GMDS: variants seen among roughly 807,000 people sequenced by gnomAD.
GMDS encodes the protein GDP-mannose 4,6-dehydratase.
A neutral mutation model predicts 49.9 loss-of-function variants in GMDS; 20 were observed. That is an observed-to-expected ratio of 0.40 (90% CI 0.28 to 0.58). The LOEUF is 0.58. Among genes scored for constraint, GMDS ranks in the 20% least tolerant of loss-of-function variants. GMDS has a pLI of 0.42. For missense variants in GMDS, 362 were observed against 481.4 expected (o/e 0.75, Z 2.32); for synonymous variants, 177 against 178.6 (o/e 0.99, Z 0.07).
At chr6:1,974,703 T>C (rs1254228900) in intron 4 of GMDS, among the ~76,000 whole-genome samples, 1 of 151,866 alleles carries the variant, frequency 6.6e-6, no homozygotes, top group East Asian at 1.9e-4. Context: ...TGCACTATGA[T>C]GAAAATGCCA....
rs1397226651 is a variant in GMDS at position 1,743,522 on chromosome 6, G to A, written c.772-936C>T. ...CGCGCCACTGCACTCCAGCCTGGAC[G>A]ACAGAACCAGACTCCATCTCAAAAA... On this transcript the variant is annotated intron_variant, in intron 7 of 10. Transcript: ENST00000380815. 3.5e-4 allele frequency among the ~76,000 whole-genome samples: 44 copies of A among 125,346 alleles called. No individual in the cohort carries two copies. In the East Asian group the frequency reaches 9.6e-3, roughly 27 times the overall value. The allele number at this position is 125,346 out of a possible 152,430, so 82.2% of individuals were successfully genotyped here.
intron 4 of GMDS, among the ~76,000 whole-genome samples, chr6:2,075,505 A>G (rs1056182692): frequency 5.9e-5 from 9 of 152,004 alleles, no homozygotes; most frequent in Non-Finnish European, 8.8e-5. Context: ...AGAACACGCG[A>G]TGTTTGGTTT....
chr6:1,889,903 A>T (rs1462923561), intron 7 of GMDS, among the ~76,000 whole-genome samples: 2 of 152,112 alleles, frequency 1.3e-5, no homozygotes, highest in Non-Finnish European at 2.9e-5. Context: ...TACTTAGCAT[A>T]ATGTTTTCCA....
chr6:2,243,555 C>G (rs1781713958), intron 1 of GMDS, among the ~76,000 whole-genome samples: 1 of 152,134 alleles, frequency 6.6e-6, no homozygotes, highest in Non-Finnish European at 1.5e-5. Context: ...GAATCATCTG[C>G]AGAAAGGTCC....
Position 1,768,206 on chromosome 6 carries a change from CAG to C in GMDS, c.772-25622_772-25621del, listed in dbSNP as rs1554117266. 7.9e-5 allele frequency among the ~76,000 whole-genome samples: 12 copies of C among 152,228 alleles called. 1 individual carries two copies. Among genetic ancestry groups the C allele is most frequent in the African/African-American group, 2.6e-4 (11 of 41,538 alleles). ...CATTAACCATATGAATGTGTGTAAA[CAG>C]GGGAATATCTAATGTCACTTCAGTA... On this transcript the variant is annotated intron_variant, in intron 7 of 10. Coordinates refer to ENST00000380815, the MANE Select transcript of GMDS (RefSeq NM_001500.4).
intron 7 of GMDS, among the ~76,000 whole-genome samples, chr6:1,832,219 C>T (rs1190147725): frequency 6.6e-6 from 1 of 151,072 alleles, no homozygotes; most frequent in African/African-American, 2.4e-5. Context: ...AACAAGACCC[C>T]ATCTCTACAA....
At chr6:1,796,088 G>A (rs1769723231) in intron 7 of GMDS, among the ~76,000 whole-genome samples, 1 of 152,142 alleles carries the variant, frequency 6.6e-6, no homozygotes, top group Admixed American at 6.5e-5. Context: ...GGTTGTGTAT[G>A]CTTCTCTATT....
chr6:1,695,303 T>TA (rs1765300949), intron 9 of GMDS, among the ~76,000 whole-genome samples: 1 of 152,156 alleles, frequency 6.6e-6, no homozygotes, highest in African/African-American at 2.4e-5. Context: ...GAGTCTTCTG[T>TA]AAAAACTGAA....
chr6:2,049,074 C>T (rs997948400), intron 4 of GMDS, among the ~76,000 whole-genome samples: 6 of 152,186 alleles, frequency 3.9e-5, no homozygotes, highest in Non-Finnish European at 8.8e-5. Flanking sequence ...AGGAAGCGAG[C>T]CCTCAACAAG....
intron 1 of GMDS, among the ~76,000 whole-genome samples, chr6:2,186,653 T>C (rs928883688): frequency 3.9e-5 from 6 of 152,208 alleles, no homozygotes; most frequent in African/African-American, 1.4e-4. Flanking sequence ...TAGGTATATT[T>C]ATTAATTTAG....
At chr6:1,810,032 C>T (rs962250849) in intron 7 of GMDS, among the ~76,000 whole-genome samples, 12 of 147,980 alleles carry the variant, frequency 8.1e-5, no homozygotes, top group Admixed American at 2.0e-4. Context: ...CCTTCGGTTA[C>T]GCAGCTCAAC....
chr6:2,076,017 G>A (rs2779495), intron 4 of GMDS, among the ~76,000 whole-genome samples: 8,752 of 152,132 alleles, frequency 0.058, 716 homozygotes, highest in African/African-American at 0.18. Flanking sequence ...GTGATGATGA[G>A]CATTTTTTCA....
intron 9 of GMDS, among the ~76,000 whole-genome samples, chr6:1,687,683 C>T (rs549985701): frequency 1.4e-4 from 21 of 152,120 alleles, no homozygotes; most frequent in Middle Eastern, 3.4e-3. Context: ...AGGTGAAGAA[C>T]GTGAGGGGGG....
intron 9 of GMDS, among the ~76,000 whole-genome samples, chr6:1,704,653 C>T (rs1765662143): frequency 6.6e-6 from 1 of 152,190 alleles, no homozygotes; most frequent in African/African-American, 2.4e-5. Flanking sequence ...GTTTTGAGCA[C>T]AGTGTCCAGT....
intron 7 of GMDS, among the ~76,000 whole-genome samples, chr6:1,914,123 TTTTG>T (rs1355947510): frequency 7.7e-5 from 11 of 142,986 alleles, no homozygotes; most frequent in Admixed American, 1.4e-4. Flanking sequence ...TGAAAGCGTT[TTTTG>T]TTTGTTTTTT....
intron 7 of GMDS, among the ~76,000 whole-genome samples, chr6:1,806,436 G>A (rs1455522867): frequency 3.3e-5 from 4 of 122,228 alleles, no homozygotes; most frequent in African/African-American, 1.1e-4. Context: ...TCGAGCACAT[G>A]GGAACACACA....
intron 4 of GMDS, among the ~76,000 whole-genome samples, chr6:2,115,081 A>G (rs1774768868): frequency 6.6e-6 from 1 of 152,190 alleles, no homozygotes; most frequent in African/African-American, 2.4e-5. Context: ...ACAAGTATCT[A>G]AATAGAACTC....
chr6:2,212,252 T>C (rs972430697), intron 1 of GMDS, among the ~76,000 whole-genome samples: 18 of 152,228 alleles, frequency 1.2e-4, no homozygotes, highest in Non-Finnish European at 1.9e-4. Context: ...GTGGCTCTAC[T>C]GTTATTTTCT....
At chr6:2,137,754 T>G (rs1046778081) in intron 1 of GMDS, among the ~76,000 whole-genome samples, 12 of 152,234 alleles carry the variant, frequency 7.9e-5, no homozygotes, top group Non-Finnish European at 7.3e-5. Flanking sequence ...CGTCCAGGAC[T>G]CCACCAACAA....
Sources: gnomAD v4.1 joint callset for allele counts (sites outside exome capture counted in the v4.1 genomes callset) on GRCh38, gnomAD v4.1.1 for gene constraint, MANE v1.5 for transcripts, NCBI Gene and HGNC (gene_info 2026-07-23, HGNC 2026-07-21) for gene names.